Variants in RHOU observed in about 807,000 individuals in gnomAD.
RHOU encodes rho-related GTP-binding protein RhoU.
RHOU carries 8 observed loss-of-function variants against 12.6 expected under a neutral mutation model. That is an observed-to-expected ratio of 0.64 (90% CI 0.37 to 1.15). The LOEUF is 1.15. RHOU is among the 50% of genes most tolerant of loss of function. The pLI is 0.01. For synonymous variants in RHOU, 161 were observed against 147.4 expected (o/e 1.09, Z -0.67); for missense variants, 258 against 347.0 (o/e 0.74, Z 2.04).
chr1:228,723,618 C>T, the RHOU span, among the ~76,000 whole-genome samples: 1 of 152,148 alleles, frequency 6.6e-6, no homozygotes, highest in African/African-American at 2.4e-5. Flanking sequence ...CAAAGGTTGC[C>T]GTCAGGCTCT....
chr1:228,724,448 A>C, the RHOU span, among the ~76,000 whole-genome samples: 1 of 152,166 alleles, frequency 6.6e-6, no homozygotes, highest in African/African-American at 2.4e-5. Context: ...GCTAATTAAC[A>C]TACTCATCAC....
the RHOU span, among the ~76,000 whole-genome samples, chr1:228,715,915 C>CTTTTT: frequency 7.5e-6 from 1 of 133,906 alleles, no homozygotes; most frequent in Non-Finnish European, 1.6e-5. Context: ...AAAGTATGAA[C>CTTTTT]TTTTTTTTTT....
At chr1:228,659,873 A>G in the RHOU span, among the ~76,000 whole-genome samples, 2,306 of 148,272 alleles carry the variant, frequency 0.016, 62 homozygotes, top group African/African-American at 0.053. Flanking sequence ...AATCCCAGCT[A>G]CTCGGGAGGC....
Position 228,744,599 on chromosome 1 carries a change from G to A in RHOU, c.*859G>A, listed in dbSNP as rs1662790178. The A allele has an allele frequency of 2.0e-5, 3 of 152,216 alleles. No homozygotes were observed. The highest frequency in any genetic ancestry group is 7.2e-5 in the African/African-American group (3 of 41,450). 9.4% of individuals were successfully genotyped at this position (152,216 alleles called of 1,614,324 possible). ...GTAACGAGGGCAACAGGGAGCACCT[G>A]TCTGGATTGTTTTTAAACCTCCATA... is the stretch of plus-strand genomic sequence containing the variant. On this transcript the variant is annotated 3_prime_UTR_variant, in exon 3 of 3. Transcript: ENST00000366691.
the RHOU span, among the ~76,000 whole-genome samples, chr1:228,657,532 G>A: frequency 7.2e-5 from 11 of 152,006 alleles, no homozygotes; most frequent in Non-Finnish European, 1.3e-4. Context: ...AATATATGAC[G>A]CAAAACCTGA....
chr1:228,696,870 C>T, the RHOU span, among the ~76,000 whole-genome samples: 1 of 152,074 alleles, frequency 6.6e-6, no homozygotes, highest in Non-Finnish European at 1.5e-5. Flanking sequence ...TGATCATTCC[C>T]ACAGTATGCC....
At chr1:228,657,276 T>A in the RHOU span, among the ~76,000 whole-genome samples, 6 of 6,872 alleles carry the variant, frequency 8.7e-4, no homozygotes, top group East Asian at 4.0e-3. Context: ...AAAAACTCCA[T>A]CTCAAAAAAA....
the RHOU span, among the ~76,000 whole-genome samples, chr1:228,655,609 A>T: frequency 6.6e-6 from 1 of 152,168 alleles, no homozygotes; most frequent in Non-Finnish European, 1.5e-5. Context: ...TTGTTGCTCA[A>T]ATGTGGCAAA....
chr1:228,676,151 A>T, the RHOU span, among the ~76,000 whole-genome samples: 2 of 140,686 alleles, frequency 1.4e-5, no homozygotes, highest in Admixed American at 7.0e-5. Flanking sequence ...TTTTTTTTTT[A>T]AAGTGACAGA....
the RHOU span, chr1:228,650,254 G>A: frequency 1.3e-5 from 6 of 458,764 alleles, no homozygotes; most frequent in Admixed American, 4.7e-5. Context: ...GCGCTGGGTC[G>A]CTGGGTCGCT....
chr1:228,661,569 T>C, the RHOU span, among the ~76,000 whole-genome samples: 4 of 152,036 alleles, frequency 2.6e-5, no homozygotes, highest in Non-Finnish European at 4.4e-5. Flanking sequence ...GCAAAAACAA[T>C]AACTGGGAAA....
the RHOU span, among the ~76,000 whole-genome samples, chr1:228,674,636 G>A: frequency 2.0e-5 from 3 of 151,686 alleles, no homozygotes; most frequent in South Asian, 2.1e-4. Context: ...ATGAGCCACC[G>A]CACCCCAGCT....
chr1:228,716,111 C>T, the RHOU span, among the ~76,000 whole-genome samples: 4 of 151,936 alleles, frequency 2.6e-5, no homozygotes, highest in Non-Finnish European at 5.9e-5. Context: ...AATATAGGGG[C>T]CTTGCTTTGT....
the RHOU span, among the ~76,000 whole-genome samples, chr1:228,719,215 G>GATCAATCCATGTATTC: frequency 6.6e-6 from 1 of 152,112 alleles, no homozygotes; most frequent in Admixed American, 6.5e-5. Flanking sequence ...TCCATTGGTT[G>GATCAATCCATGTATTC]ATCAATCCAT....
At position 228,743,479 on chromosome 1, in the gene RHOU, C is replaced by T. The variant is rs771942656; in HGVS notation, c.516C>T (p.Leu172=). 4 of 1,614,022 alleles carry T rather than the reference C, an allele frequency of 2.5e-6. No individual in the cohort carries two copies. The highest frequency in any genetic ancestry group is 2.5e-6 in the Non-Finnish European group (3 of 1,180,052). ...ATCTCAGAGAAGATGTCAAAGTCCT[C>T]ATTGAGTTGGACAAATGCAAAGAAA... The part of the protein sequence containing the change: ...QSDLREDVKV[L]IELDKCKEKP... The change falls in exon 3 of 3, where the codon CTC becomes CTT. Residue 172 remains leucine, a synonymous_variant. Transcript: ENST00000366691. This position sits in a 1 kb window ranked among gnomAD's most constrained non-coding sequence, Gnocchi z 5.1.
At chr1:228,705,027 C>G in the RHOU span, among the ~76,000 whole-genome samples, 2 of 151,808 alleles carry the variant, frequency 1.3e-5, no homozygotes, top group Non-Finnish European at 2.9e-5. Context: ...GTCTTGAACT[C>G]CTGACCTCAA....
At chr1:228,687,782 C>T in the RHOU span, 2 of 1,350,768 alleles carry the variant, frequency 1.5e-6, no homozygotes, top group East Asian at 2.3e-5. Context: ...CGGCGGAATA[C>T]CTCTTAGACA....
the RHOU span, among the ~76,000 whole-genome samples, chr1:228,728,239 A>G: frequency 6.6e-6 from 1 of 152,198 alleles, no homozygotes; most frequent in African/African-American, 2.4e-5. Context: ...TCTGTTTTCC[A>G]CGTTAGCAGC....
chr1:228,655,319 G>C, the RHOU span, among the ~76,000 whole-genome samples: 2 of 152,040 alleles, frequency 1.3e-5, no homozygotes, highest in Non-Finnish European at 2.9e-5. Context: ...GGCCAGGCTG[G>C]TCTTGAACTC....
Sources: allele counts gnomAD v4.1 joint callset (sites outside exome capture counted in the v4.1 genomes callset), GRCh38; gene constraint gnomAD v4.1.1; non-coding constraint Gnocchi (gnomAD v3.1); transcripts MANE v1.5; gene names NCBI Gene and HGNC (gene_info 2026-07-23, HGNC 2026-07-21).